The following TUSC3 variants were observed in gnomAD, a reference collection of about 807,000 sequenced individuals.
TUSC3 encodes the protein dolichyl-diphosphooligosaccharide--protein glycosyltransferase subunit TUSC3.
In TUSC3, 45 loss-of-function variants were observed where a neutral mutation model predicts 44.8. The observed-to-expected ratio is 1.00, with a 90% CI of 0.79 to 1.29. TUSC3 has a LOEUF of 1.29. TUSC3 is among the 50% of genes most tolerant of loss of function. The probability of loss-of-function intolerance (pLI) is 0.00; values close to 1 mark genes in which losing one functional copy is unlikely to be tolerated. For synonymous variants in TUSC3, 212 were observed against 152.9 expected, an observed-to-expected ratio of 1.39 and a Z score of -2.85; for missense variants, 519 against 437.9, an observed-to-expected ratio of 1.19 and a Z score of -1.65.
intron 9 of TUSC3, among the ~76,000 whole-genome samples, chr8:15,757,348 C>G (rs1315308717): frequency 6.6e-6 from 1 of 151,944 alleles, no homozygotes; most frequent in Non-Finnish European, 1.5e-5. Flanking sequence ...AGAATAACAG[C>G]TAAAAATGAA....
chr8:15,641,371 A>AG (rs1484514685), intron 2 of TUSC3, among the ~76,000 whole-genome samples: 1 of 151,784 alleles, frequency 6.6e-6, no homozygotes, highest in Non-Finnish European at 1.5e-5. Flanking sequence ...CAAAAAAAAA[A>AG]AAAAAAAAGA....
chr8:15,659,386 A>G (rs187931108), intron 3 of TUSC3, 121 bp from the exon 4 acceptor site: 112 of 1,308,822 alleles, frequency 8.6e-5, no homozygotes, highest in Admixed American at 5.7e-4. Context: ...TTACCTCTGG[A>G]AAACCACTTG....
the TUSC3 span, among the ~76,000 whole-genome samples, chr8:15,781,717 G>A: frequency 3.3e-5 from 5 of 152,120 alleles, no homozygotes; most frequent in African/African-American, 4.8e-5. Flanking sequence ...TCCATGAAAC[G>A]TTCAAAGAAT....
At chr8:15,501,493 A>T (rs1233385958) in intron 2 of TUSC3, among the ~76,000 whole-genome samples, 1 of 152,216 alleles carries the variant, frequency 6.6e-6, no homozygotes, top group African/African-American at 2.4e-5. Context: ...CTAGTGCCTA[A>T]ACTACTGTAG....
chr8:15,807,157 C>G, the TUSC3 span: 1 of 856,284 alleles, frequency 1.2e-6, no homozygotes, highest in Non-Finnish European at 2.0e-6. Context: ...AAAGCAATCA[C>G]AGCCGTATGT....
At chr8:15,643,100 G>T (rs999465997) in intron 2 of TUSC3, among the ~76,000 whole-genome samples, 2 of 152,078 alleles carry the variant, frequency 1.3e-5, no homozygotes, top group African/African-American at 2.4e-5. Context: ...GCTTTATAAG[G>T]GGCTTTTCCG....
At chr8:15,570,874 C>T (rs1377125065) in intron 1 of TUSC3, among the ~76,000 whole-genome samples, 1 of 149,420 alleles carries the variant, frequency 6.7e-6, no homozygotes, top group Non-Finnish European at 1.5e-5. Flanking sequence ...ATGAAGCTGC[C>T]GGATTGTTCA....
chr8:15,637,484 C>A (rs1443284621), intron 2 of TUSC3, among the ~76,000 whole-genome samples: 1 of 152,000 alleles, frequency 6.6e-6, no homozygotes, highest in African/African-American at 2.4e-5. Flanking sequence ...TTTCTGTCTT[C>A]AACTGCTTGT....
At chr8:15,704,267 T>TTTC (rs1809526384) in intron 6 of TUSC3, among the ~76,000 whole-genome samples, 3 of 151,202 alleles carry the variant, frequency 2.0e-5, no homozygotes, top group African/African-American at 7.3e-5. Flanking sequence ...TTTTTTTTTT[T>TTTC]TTTTTGGAAT....
chr8:15,573,475 G>C (rs1195367558), intron 1 of TUSC3, among the ~76,000 whole-genome samples: 1 of 151,876 alleles, frequency 6.6e-6, no homozygotes, highest in Non-Finnish European at 1.5e-5. Flanking sequence ...AAGGAGCCCA[G>C]TGGGTTTATA....
the TUSC3 span, among the ~76,000 whole-genome samples, chr8:15,789,933 A>C: frequency 6.6e-6 from 1 of 152,146 alleles, no homozygotes; most frequent in Non-Finnish European, 1.5e-5. Context: ...AAGAATTAAA[A>C]GTGAGCTGGT....
At chr8:15,620,701 G>C (rs1202233331) in intron 1 of TUSC3, among the ~76,000 whole-genome samples, 1 of 152,046 alleles carries the variant, frequency 6.6e-6, no homozygotes, top group African/African-American at 2.4e-5. Flanking sequence ...ATTCCTCTGT[G>C]AGGAATTTTC....
intron 1 of TUSC3, among the ~76,000 whole-genome samples, chr8:15,443,829 T>C (rs1482794134): frequency 6.6e-6 from 1 of 152,150 alleles, no homozygotes; most frequent in Non-Finnish European, 1.5e-5. Flanking sequence ...CTGCAGTTGA[T>C]GGATTAGCTG....
At chr8:15,807,432 C>T in the TUSC3 span, 1 of 222,160 alleles carries the variant, frequency 4.5e-6, no homozygotes, top group Non-Finnish European at 8.7e-6. Context: ...TGGATTCAGC[C>T]ACTGTGGAAA....
the TUSC3 span, among the ~76,000 whole-genome samples, chr8:15,823,575 T>G: frequency 6.6e-6 from 1 of 152,202 alleles, no homozygotes; most frequent in Non-Finnish European, 1.5e-5. Flanking sequence ...TTTGAAGTAT[T>G]TGATTTATAA....
chr8:15,609,431 C>A (rs1158598740), intron 1 of TUSC3, among the ~76,000 whole-genome samples: 2 of 152,136 alleles, frequency 1.3e-5, no homozygotes, highest in Non-Finnish European at 2.9e-5. Flanking sequence ...AGTAGATTTT[C>A]TTCTAAGCTT....
At chr8:15,436,540 A>G (rs963592071) in intron 1 of TUSC3, among the ~76,000 whole-genome samples, 2 of 152,338 alleles carry the variant, frequency 1.3e-5, no homozygotes, top group Non-Finnish European at 2.9e-5. Flanking sequence ...AGAGGTTAAG[A>G]ACAACTAATG....
chr8:15,479,288 T>A (rs1800626578), intron 1 of TUSC3, among the ~76,000 whole-genome samples: 1 of 152,196 alleles, frequency 6.6e-6, no homozygotes, highest in Non-Finnish European at 1.5e-5. Flanking sequence ...TCTAGTTTAA[T>A]TAGATCCCAT....
chr8:15,705,452 G>A (rs1809577643), intron 6 of TUSC3, among the ~76,000 whole-genome samples: 1 of 151,976 alleles, frequency 6.6e-6, no homozygotes, highest in South Asian at 2.1e-4. Context: ...TCACCTAACA[G>A]TAACGTGTAG....
Sources: allele counts gnomAD v4.1 joint callset (sites outside exome capture counted in the v4.1 genomes callset), GRCh38; gene constraint gnomAD v4.1.1; transcripts MANE v1.5; gene names NCBI Gene and HGNC (gene_info 2026-07-23, HGNC 2026-07-21).